The following DNAJC13 variants were observed in gnomAD, a reference collection of about 807,000 sequenced individuals.
The protein encoded by DNAJC13 is dnaJ homolog subfamily C member 13.
DNAJC13 carries 75 observed loss-of-function variants against 290.5 expected under a neutral mutation model. That is an observed-to-expected ratio of 0.26 (90% confidence interval 0.21 to 0.31). DNAJC13 has a LOEUF of 0.31. Ranked by LOEUF, DNAJC13 falls within the 10% of genes least tolerant of loss-of-function variation. DNAJC13 has a pLI of 1.00. For missense variants in DNAJC13, 2,260 were observed against 2,674.5 expected, an observed-to-expected ratio of 0.85 and a Z score of 3.42; for synonymous variants, 862 against 892.0, an observed-to-expected ratio of 0.97 and a Z score of 0.60.
At chr3:132,515,851 C>A (rs1411182576) in intron 46 of DNAJC13, among the ~76,000 whole-genome samples, 1 of 152,182 alleles carries the variant, frequency 6.6e-6, no homozygotes, top group Non-Finnish European at 1.5e-5. Context: ...TTTGCCAACA[C>A]TTTATTCCTT....
At chr3:132,418,031 C>T (rs1358295837) in intron 1 of DNAJC13, among the ~76,000 whole-genome samples, 1 of 152,096 alleles carries the variant, frequency 6.6e-6, no homozygotes, top group Non-Finnish European at 1.5e-5. Context: ...GTACGCTCCT[C>T]CACTCGCCTT....
chr3:132,526,002 A>C (rs1936244932), intron 52 of DNAJC13, 139 bp from the exon 53 acceptor site: 1 of 1,264,580 alleles, frequency 7.9e-7, no homozygotes. Context: ...TATAATTAAT[A>C]GATTAAATTT....
At chr3:132,452,874 A>G (rs1933460515) in intron 6 of DNAJC13, among the ~76,000 whole-genome samples, 1 of 152,214 alleles carries the variant, frequency 6.6e-6, no homozygotes, top group South Asian at 2.1e-4. Flanking sequence ...ACATTTAAAC[A>G]TTCTTCAGCA....
chr3:132,495,840 T>G (rs957823450), intron 35 of DNAJC13, among the ~76,000 whole-genome samples: 4 of 152,188 alleles, frequency 2.6e-5, no homozygotes, highest in African/African-American at 9.6e-5. Context: ...CCCTAGGGGT[T>G]TTTTTGAGAA....
chr3:132,484,224 C>A (rs998174178), intron 28 of DNAJC13: 31 of 293,364 alleles, frequency 1.1e-4, no homozygotes, highest in Non-Finnish European at 1.9e-4. Context: ...TGGAAAATAC[C>A]AAACATAGTT....
In DNAJC13 at chr3:132,500,345, G is replaced by C. The variant is rs116812353; in HGVS notation, c.4417-449G>C. On this transcript the variant is annotated intron_variant, in intron 38 of 55. Coordinates refer to ENST00000260818, the MANE Select transcript of DNAJC13 (RefSeq NM_015268.4). Reference sequence around the variant, plus strand: ...TCCATCCTCTATTTTGAAGTCCGTTGTGTAAACAGAATTGTGATATTCTGC... The same window carrying C: ...TCCATCCTCTATTTTGAAGTCCGTTCTGTAAACAGAATTGTGATATTCTGC... Among the ~76,000 whole-genome samples, 1,072 of 152,288 alleles carry C rather than the reference G, an allele frequency of 7.0e-3. 10 individuals are homozygous for C. Among genetic ancestry groups the C allele is most frequent in the African/African-American group, 0.024 (1,013 of 41,548 alleles).
rs1355531288 is a variant in DNAJC13, at chr3:132,518,909, C to T, written c.5673+2093C>T. Among the ~76,000 whole-genome samples the T allele has an allele frequency of 7.8e-4, 118 of 152,098 alleles. 2 individuals are homozygous for T. Among genetic ancestry groups the T allele is most frequent in the Admixed American group, 7.7e-3 (117 of 15,266 alleles). On this transcript the variant is annotated intron_variant, in intron 48 of 55. Coordinates refer to ENST00000260818, the MANE Select transcript of DNAJC13 (RefSeq NM_015268.4). ...TCTATTTCCTTCTGGATAGATTTGCCGAATGCTGGGCATTGTATATAAATG... is the reference window on the plus strand; with the variant it reads ...TCTATTTCCTTCTGGATAGATTTGCTGAATGCTGGGCATTGTATATAAATG...
chr3:132,491,179 A>C, intron 32 of DNAJC13, 128 bp downstream of exon 32: 2 of 810,194 alleles, frequency 2.5e-6, no homozygotes, highest in Non-Finnish European at 3.6e-6. Context: ...GTAATCATTG[A>C]TGCCAAATCA....
chr3:132,421,935 T>C (rs1938970303), intron 1 of DNAJC13, among the ~76,000 whole-genome samples: 1 of 152,194 alleles, frequency 6.6e-6, no homozygotes, highest in Admixed American at 6.5e-5. Context: ...GTGAGTTATA[T>C]ATAAAACAAT....
chr3:132,474,867 G>A (rs1934416545), intron 21 of DNAJC13, 65 bp from the exon 22 acceptor site: 2 of 493,916 alleles, frequency 4.0e-6, no homozygotes, highest in Admixed American at 4.8e-5. Flanking sequence ...GTCAGTAAGG[G>A]ATATTTATAG....
In DNAJC13 at chr3:132,512,879, G is replaced by T. The variant is rs548284560; in HGVS notation, c.5294-129G>T. On this transcript the variant is annotated intron_variant, in intron 44 of 55. Transcript: ENST00000260818. ...CTTAGAGGTCCTCCACTTACTTCAT[G>T]TCACAGATGTTTAGAACCAGTTATC... 4 of 741,684 alleles carry T rather than the reference G, an allele frequency of 5.4e-6. No homozygotes were observed. In the South Asian group the frequency reaches 7.0e-5, roughly 13 times the overall value. The allele number at this position is 741,684 out of a possible 1,614,324, so 45.9% of individuals were successfully genotyped here. A position where few individuals can be genotyped will look rare whatever the true frequency, so the allele number is the denominator to read the frequency against.
chr3:132,516,537 TAA>T (rs1054804349), intron 47 of DNAJC13, 41 bp downstream of exon 47: 10 of 1,593,874 alleles, frequency 6.3e-6, no homozygotes, highest in African/African-American at 1.3e-5. Flanking sequence ...ATGTGCAATA[TAA>T]TGAAGCTTAT....
At chr3:132,472,544 CG>C in intron 20 of DNAJC13, 1 of 984,994 alleles carries the variant, frequency 1.0e-6, no homozygotes, top group Non-Finnish European at 1.2e-6. Context: ...TTCCTTTTTA[CG>C]ATTAAATTCA....
At position 132,463,646 on chromosome 3, in the gene DNAJC13, A is replaced by G. The variant is rs1933881262; in HGVS notation, c.1771-50A>G. The G allele has an allele frequency of 3.2e-6, 5 of 1,543,044 alleles. No individual in the cohort carries two copies. The South Asian group carries it at 6.2e-5, about 19-fold the overall frequency. On this transcript the variant is annotated intron_variant, in intron 16 of 55. Transcript: ENST00000260818. ...AAAATTAGTTTTTTAAAGTTTGGAT[A>G]GCTTGTCCTGGATTGCCACCTTAGG...
intron 51 of DNAJC13, among the ~76,000 whole-genome samples, chr3:132,524,190 G>A (rs1936180675): frequency 6.6e-6 from 1 of 152,220 alleles, no homozygotes; most frequent in African/African-American, 2.4e-5. Context: ...AGGAAAGCAG[G>A]AGTGAGTGAA....
intron 53 of DNAJC13, 85 bp from the exon 54 acceptor site, chr3:132,528,104 G>C: frequency 6.6e-7 from 1 of 1,511,024 alleles, no homozygotes; most frequent in Non-Finnish European, 9.0e-7. Flanking sequence ...CTGCCTTCCA[G>C]GTAGGTCCTG....
chr3:132,503,163 C>T (rs757206604), intron 40 of DNAJC13, 51 bp from the exon 41 acceptor site: 7 of 1,572,660 alleles, frequency 4.5e-6, no homozygotes, highest in Non-Finnish European at 6.1e-6. Flanking sequence ...TATAGTATTA[C>T]CTATGTAAGA....
At chr3:132,422,705 G>T (rs1324101257) in intron 1 of DNAJC13, among the ~76,000 whole-genome samples, 1 of 152,160 alleles carries the variant, frequency 6.6e-6, no homozygotes, top group Non-Finnish European at 1.5e-5. Flanking sequence ...AGTTACCTGT[G>T]CAAAGGTACA....
At chr3:132,501,569 CAA>C (rs74269441) in intron 39 of DNAJC13, among the ~76,000 whole-genome samples, 2 of 106,134 alleles carry the variant, frequency 1.9e-5, no homozygotes, top group African/African-American at 3.4e-5. Flanking sequence ...GACTCTGTCT[CAA>C]AAAAAAAAAA....
Sources: gnomAD v4.1 joint callset for allele counts (sites outside exome capture counted in the v4.1 genomes callset) on GRCh38, gnomAD v4.1.1 for gene constraint, MANE v1.5 for transcripts, NCBI Gene and HGNC (gene_info 2026-07-23, HGNC 2026-07-21) for gene names.